SERF2: variants seen among roughly 807,000 people sequenced by gnomAD.
SERF2 encodes small EDRK-rich factor 2, also known as gastric cancer-related protein VRG107.
A neutral mutation model predicts 10.7 loss-of-function variants in SERF2; 4 were observed. The ratio of observed to expected loss-of-function variants is 0.37; its 90% CI spans 0.18 to 0.86. The LOEUF (loss-of-function observed/expected upper bound fraction) is 0.86. SERF2 is among the 40% of genes least tolerant of loss of function. SERF2 has a pLI of 0.43. For synonymous variants in SERF2, 26 were observed against 26.0 expected, an observed-to-expected ratio of 1.00 and a Z score of 0.01; for missense variants, 47 against 79.1, an observed-to-expected ratio of 0.59 and a Z score of 1.54.
rs191591027 is a variant in SERF2 at position 43,794,515 on chromosome 15, C to G, written c.*742C>G. ...TTTGTCTTCCCGCTTCCCTTGACCT[C>G]AAAATCAGGATTAAAACCTGGGGTA... On this transcript the variant is annotated 3_prime_UTR_variant, in exon 3 of 3. Coordinates refer to ENST00000249786, the MANE Select transcript of SERF2 (RefSeq NM_001018108.4). The G allele has an allele frequency of 9.4e-4, 151 of 161,280 alleles. No homozygotes were observed. The highest frequency in any genetic ancestry group is 3.5e-3 in the African/African-American group (148 of 41,754). 10.0% of individuals were successfully genotyped at this position (161,280 alleles called of 1,614,324 possible).
At chr15:43,784,046 G>C (rs1242139773) in intron 1 of SERF2, among the ~76,000 whole-genome samples, 1 of 141,026 alleles carries the variant, frequency 7.1e-6, no homozygotes, top group Non-Finnish European at 1.5e-5. Context: ...GCCTCCCAAA[G>C]TGCTGGGATT....
chr15:43,787,460 C>T (rs538027606), upstream of SERF2, among the ~76,000 whole-genome samples: 4 of 151,818 alleles, frequency 2.6e-5, no homozygotes, highest in Non-Finnish European at 2.9e-5. Context: ...TGCAATGGTG[C>T]GATTTCCGCT....
chr15:43,786,701 T>G (rs1487080929), intron 2 of SERF2, among the ~76,000 whole-genome samples: 1 of 152,172 alleles, frequency 6.6e-6, no homozygotes, highest in Non-Finnish European at 1.5e-5. Flanking sequence ...AATGTTACAG[T>G]TGAGGTATCC....
intron 1 of SERF2, among the ~76,000 whole-genome samples, chr15:43,783,529 T>C (rs2086981105): frequency 6.7e-6 from 1 of 150,278 alleles, no homozygotes; most frequent in African/African-American, 2.5e-5. Context: ...CTCGAACTCC[T>C]GGCCTCAAGT....
rs1248448851 is a variant in SERF2, at chr15:43,795,198, T to C, written c.*1425T>C. ...TACCCTTGATGAAGGTCTTTTCCAG[T>C]TCTGCTCCCTCATAGCTGTGTAACC... On this transcript the variant is annotated 3_prime_UTR_variant, in exon 3 of 3. Transcript: ENST00000249786. The C allele has an allele frequency of 1.9e-6, 3 of 1,614,100 alleles. No individual in the cohort carries two copies. The highest frequency in any genetic ancestry group is 2.5e-6 in the Non-Finnish European group (3 of 1,180,024).
At chr15:43,784,072 C>T (rs573891071) in intron 1 of SERF2, among the ~76,000 whole-genome samples, 1 of 151,456 alleles carries the variant, frequency 6.6e-6, no homozygotes, top group Non-Finnish European at 1.5e-5. Flanking sequence ...TATCAGCCAC[C>T]GCACCTGGCC....
At chr15:43,786,932 C>T (rs758704175) in intron 2 of SERF2, among the ~76,000 whole-genome samples, 2 of 152,054 alleles carry the variant, frequency 1.3e-5, no homozygotes, top group Non-Finnish European at 2.9e-5. Context: ...GCCACATGCT[C>T]ACTCCTGAAC....
At chr15:43,787,604 G>C (rs147814812), upstream of SERF2, among the ~76,000 whole-genome samples, 1,114 of 151,978 alleles carry the variant, frequency 7.3e-3, 7 homozygotes, top group Non-Finnish European at 0.011. Context: ...TACCATGTTG[G>C]TCAGGCTGGT....
intron 1 of SERF2, among the ~76,000 whole-genome samples, chr15:43,784,845 C>T (rs921864085): frequency 3.3e-5 from 5 of 151,608 alleles, no homozygotes; most frequent in African/African-American, 9.7e-5. Flanking sequence ...CTCCACCTAC[C>T]GGGTTCAAGT....
In SERF2 at chr15:43,795,595, T is replaced by C. The variant is rs897058178; in HGVS notation, c.*1822T>C. On this transcript the variant is annotated 3_prime_UTR_variant, in exon 3 of 3. Coordinates refer to ENST00000249786, the MANE Select transcript of SERF2 (RefSeq NM_001018108.4). ...AGAGCTGCTGAAACACCTCTTCCCC[T>C]CTCCCCCAACTACCTTTGTTAAGGC... is the stretch of plus-strand genomic sequence containing the variant. The C allele has an allele frequency of 6.2e-7, 1 of 1,611,828 alleles. No homozygotes were observed. Among genetic ancestry groups the C allele is most frequent in the Non-Finnish European group, 8.5e-7 (1 of 1,178,176 alleles).
rs2087199576 is a variant in SERF2, at chr15:43,795,738, T to C, written c.*1965T>C. 2 of 1,613,784 alleles carry C rather than the reference T, an allele frequency of 1.2e-6. No individual in the cohort carries two copies. The highest frequency in any genetic ancestry group is 8.5e-7 in the Non-Finnish European group (1 of 1,179,850). ...GCAGCAGAAACACAGTGAGGGCTTC[T>C]GCAAAACAGAACGCAGGTTTTGGAA... On this transcript the variant is annotated 3_prime_UTR_variant, in exon 3 of 3. Coordinates refer to ENST00000249786, the MANE Select transcript of SERF2 (RefSeq NM_001018108.4).
chr15:43,790,862 C>T (rs1303951164), upstream of SERF2, among the ~76,000 whole-genome samples: 1 of 150,994 alleles, frequency 6.6e-6, no homozygotes, highest in Middle Eastern at 3.2e-3. Context: ...CTCCTGGGTT[C>T]ACACGGTTCT....
At chr15:43,783,607 AT>A (rs2086981751) in intron 1 of SERF2, among the ~76,000 whole-genome samples, 1 of 147,970 alleles carries the variant, frequency 6.8e-6, no homozygotes, top group African/African-American at 2.5e-5. Context: ...TGGCTTCATA[AT>A]TTTTTTTAAG....
At chr15:43,783,927 ATTTTTTTTTTTTTTTTT>A (rs71111825) in intron 1 of SERF2, among the ~76,000 whole-genome samples, 2 of 48,150 alleles carry the variant, frequency 4.2e-5, no homozygotes, top group South Asian at 1.3e-3. Context: ...ACGCCCAGCT[ATTTTTTTTTTTTTTTTT>A]TTTTTTTTTT....
chr15:43,793,502 T>C, intron 2 of SERF2: 1 of 1,427,504 alleles, frequency 7.0e-7, no homozygotes, highest in Non-Finnish European at 9.3e-7. Context: ...ACCAGACTTC[T>C]GACCCCTTGG....
At chr15:43,792,293 T>C (rs1206448983), upstream of SERF2, 2 of 1,199,698 alleles carry the variant, frequency 1.7e-6, no homozygotes, top group Non-Finnish European at 2.5e-6. Context: ...ACGACTGTGC[T>C]ACGTTGCCAG....
intron 2 of SERF2, among the ~76,000 whole-genome samples, chr15:43,785,733 A>T (rs2087001516): frequency 3.1e-5 from 4 of 127,168 alleles, no homozygotes; most frequent in Admixed American, 8.9e-5. Flanking sequence ...TGAGACAGAT[A>T]CTTGCTCTGT....
intron 1 of SERF2, chr15:43,778,212 C>G (rs2086936586): frequency 6.6e-6 from 1 of 152,096 alleles, no homozygotes; most frequent in African/African-American, 2.4e-5. Context: ...ATCCACCCGC[C>G]TCGGCTTCCC....
chr15:43,796,087 G>A (rs2087209211), downstream of SERF2: 2 of 1,153,632 alleles, frequency 1.7e-6, no homozygotes, highest in African/African-American at 1.5e-5. Flanking sequence ...GTAGAGGTTG[G>A]TAGGATGTGT....
Sources: gnomAD v4.1 joint callset for allele counts (sites outside exome capture counted in the v4.1 genomes callset) on GRCh38, gnomAD v4.1.1 for gene constraint, MANE v1.5 for transcripts, NCBI Gene and HGNC (gene_info 2026-07-23, HGNC 2026-07-21) for gene names.